PCDH11X: variants seen among roughly 807,000 people sequenced by gnomAD.
PCDH11X encodes the protein protocadherin 11 X-linked, also known as protocadherin-11 X-linked.
A neutral mutation model predicts 53.3 loss-of-function variants in PCDH11X; 18 were observed. The ratio of observed to expected loss-of-function variants is 0.34; its 90% CI spans 0.23 to 0.50. The LOEUF (loss-of-function observed/expected upper bound fraction) is 0.50. Among genes scored for constraint, PCDH11X ranks in the 20% least tolerant of loss-of-function variants. The pLI, the probability that PCDH11X is intolerant of heterozygous loss-of-function variation, is 0.98. For synonymous variants in PCDH11X, 279 were observed against 393.3 expected (o/e 0.71, Z 3.44); for missense variants, 570 against 1,032.4 (o/e 0.55, Z 6.14).
chrX:92,218,362 G>T (rs1209680084), intron 7 of PCDH11X, among the ~76,000 whole-genome samples: 1 of 110,655 alleles, frequency 9.0e-6, no homozygotes, highest in African/African-American at 3.3e-5. Context: ...TGATAAAGGG[G>T]ATATCACCAC....
At chrX:91,820,510 G>C (rs1248755645) in intron 4 of PCDH11X, among the ~76,000 whole-genome samples, 1 of 94,327 alleles carries the variant, frequency 1.1e-5, no homozygotes, top group Non-Finnish European at 2.0e-5. Context: ...CCCACTTTTT[G>C]ATGGGGTTGT....
At chrX:92,340,345 C>A (rs2069724605) in intron 8 of PCDH11X, among the ~76,000 whole-genome samples, 1 of 111,657 alleles carries the variant, frequency 9.0e-6, no homozygotes, top group South Asian at 3.8e-4. Flanking sequence ...TAGGCAATGC[C>A]CCAGTAGGGA....
rs184075802 is a variant in PCDH11X at position 92,004,917 on chromosome X, G to A, written c.3033+125644G>A. Reference sequence around the variant, plus strand: ...CAGCCTCCCAAGTAGCTGGGACTACGGGCACCCGCCACCGCGCCCGGCTAA... The same window carrying A: ...CAGCCTCCCAAGTAGCTGGGACTACAGGCACCCGCCACCGCGCCCGGCTAA... On this transcript the variant is annotated intron_variant, in intron 6 of 10. Coordinates refer to ENST00000682573, the MANE Select transcript of PCDH11X (RefSeq NM_032968.5). Among the ~76,000 whole-genome samples, 35 of 108,280 alleles carry A rather than the reference G, an allele frequency of 3.2e-4. 1 individual carries two copies. In the South Asian group the frequency reaches 7.4e-3, roughly 23 times the overall value. The allele number at this position is 108,280 out of a possible 115,157, so 94.0% of individuals were successfully genotyped here.
At chrX:92,122,079 G>A (rs1200716220) in intron 6 of PCDH11X, among the ~76,000 whole-genome samples, 1 of 105,753 alleles carries the variant, frequency 9.5e-6, no homozygotes, top group Non-Finnish European at 1.9e-5. Flanking sequence ...CCACCTCCTG[G>A]GTTCAAGCTT....
intron 6 of PCDH11X, among the ~76,000 whole-genome samples, chrX:91,918,935 T>C (rs1569441103): frequency 9.0e-6 from 1 of 111,412 alleles, no homozygotes; most frequent in Non-Finnish European, 1.9e-5. Context: ...GAAATGCATG[T>C]ACCATCAGTA....
intron 4 of PCDH11X, among the ~76,000 whole-genome samples, chrX:91,825,243 C>G (rs1936868129): frequency 9.1e-6 from 1 of 109,557 alleles, no homozygotes. Context: ...CCTAAGGAAG[C>G]CTGGGCAATG....
intron 6 of PCDH11X, among the ~76,000 whole-genome samples, chrX:92,005,763 C>T (rs550084486): frequency 1.3e-4 from 15 of 112,074 alleles, no homozygotes; most frequent in South Asian, 1.1e-3. Context: ...GAAGTACTCC[C>T]TATAGCATTT....
At chrX:92,235,597 C>T (rs1208020858) in intron 7 of PCDH11X, among the ~76,000 whole-genome samples, 1 of 111,464 alleles carries the variant, frequency 9.0e-6, no homozygotes, top group Non-Finnish European at 1.9e-5. Flanking sequence ...AGTTGGTTTG[C>T]AGCTCTAGAG....
intron 8 of PCDH11X, among the ~76,000 whole-genome samples, chrX:92,291,903 A>C (rs1194497168): frequency 9.0e-6 from 1 of 111,029 alleles, no homozygotes; most frequent in Admixed American, 9.6e-5. Flanking sequence ...AAAGAAAAAA[A>C]AGCATGAACA....
At chrX:92,539,756 G>T (rs1225303608) in intron 10 of PCDH11X, among the ~76,000 whole-genome samples, 1 of 111,968 alleles carries the variant, frequency 8.9e-6, no homozygotes, top group Non-Finnish European at 1.9e-5. Context: ...GGTTTTCCAT[G>T]TATTCTAAGG....
intron 10 of PCDH11X, among the ~76,000 whole-genome samples, chrX:92,515,095 A>G (rs1271333293): frequency 9.5e-6 from 1 of 105,056 alleles, no homozygotes; most frequent in Non-Finnish European, 2.0e-5. Context: ...ATCCTTCAAA[A>G]CCGACTCTAA....
chrX:91,883,759 G>C (rs796776820), intron 6 of PCDH11X: 407 of 590,209 alleles, frequency 6.9e-4, no homozygotes, highest in Middle Eastern at 2.1e-3. Context: ...GAGCCGAGAT[G>C]GCGCCACTGC....
chrX:92,575,076 A>C (rs911407097), intron 10 of PCDH11X, among the ~76,000 whole-genome samples: 1 of 110,892 alleles, frequency 9.0e-6, no homozygotes, highest in Non-Finnish European at 1.9e-5. Context: ...GTTTTTCATC[A>C]CTTCATTCTA....
chrX:92,345,728 G>T (rs2069877607), intron 8 of PCDH11X, among the ~76,000 whole-genome samples: 1 of 110,289 alleles, frequency 9.1e-6, no homozygotes, highest in African/African-American at 3.3e-5. Context: ...AATTCATGAA[G>T]TTACGTCTGT....
intron 10 of PCDH11X, among the ~76,000 whole-genome samples, chrX:92,608,471 T>C (rs1292230454): frequency 1.8e-5 from 2 of 109,445 alleles, no homozygotes; most frequent in African/African-American, 3.3e-5. Context: ...TAGAAAACCT[T>C]TGTATTATCG....
chrX:92,451,863 G>C (rs745322943), intron 9 of PCDH11X, among the ~76,000 whole-genome samples: 1 of 110,310 alleles, frequency 9.1e-6, no homozygotes, highest in South Asian at 3.8e-4. Context: ...TCTGTGTTTT[G>C]TTTAACAATC....
intron 6 of PCDH11X, among the ~76,000 whole-genome samples, chrX:91,920,219 G>A (rs1490356347): frequency 1.8e-5 from 2 of 111,198 alleles, no homozygotes; most frequent in East Asian, 5.7e-4. Context: ...AGAACGATTA[G>A]CAGAGCATTT....
chrX:92,102,150 C>T (rs151176289), intron 6 of PCDH11X, among the ~76,000 whole-genome samples: 1,401 of 108,421 alleles, frequency 0.013, 22 homozygotes, highest in African/African-American at 0.044. Context: ...CCAGGAACAA[C>T]GGTAATTGTG....
intron 6 of PCDH11X, among the ~76,000 whole-genome samples, chrX:91,892,725 G>A (rs1176349958): frequency 9.4e-6 from 1 of 106,645 alleles, no homozygotes; most frequent in Non-Finnish European, 1.9e-5. Context: ...TTTTTGAGAC[G>A]GAATCTCGCT....
Sources: gnomAD v4.1 joint callset for allele counts (sites outside exome capture counted in the v4.1 genomes callset) on GRCh38, gnomAD v4.1.1 for gene constraint, MANE v1.5 for transcripts, NCBI Gene and HGNC (gene_info 2026-07-23, HGNC 2026-07-21) for gene names.